Variants in ANXA10 observed in about 807,000 individuals in gnomAD.
ANXA10 encodes the protein annexin A10, also known as annexin 14.
In ANXA10, 49 loss-of-function variants were observed where a neutral mutation model predicts 53.5. That is an observed-to-expected ratio of 0.92 (90% CI 0.73 to 1.16). ANXA10 has a LOEUF of 1.16. Ranked by LOEUF, ANXA10 falls within the 50% of genes most tolerant of loss-of-function variation. The pLI is 0.00. For synonymous variants in ANXA10, 131 were observed against 128.9 expected, an observed-to-expected ratio of 1.02 and a Z score of -0.11; for missense variants, 393 against 394.4, an observed-to-expected ratio of 1.00 and a Z score of 0.03.
chr4:168,107,559 A>T (rs1346130752), intron 1 of ANXA10, among the ~76,000 whole-genome samples: 1 of 152,206 alleles, frequency 6.6e-6, no homozygotes, highest in Non-Finnish European at 1.5e-5. Flanking sequence ...CATAGGTCCT[A>T]TATTAGTAAG....
intron 3 of ANXA10, among the ~76,000 whole-genome samples, chr4:168,159,836 C>T (rs908959410): frequency 6.6e-6 from 1 of 151,862 alleles, no homozygotes; most frequent in Non-Finnish European, 1.5e-5. Context: ...TTGGATTATG[C>T]CAAATAATAA....
intron 3 of ANXA10, among the ~76,000 whole-genome samples, chr4:168,151,506 G>C (rs75806130): frequency 1.1e-4 from 17 of 152,336 alleles, no homozygotes; most frequent in African/African-American, 3.8e-4. Context: ...GTACTCATTA[G>C]CTTAATGTAA....
chr4:168,105,392 T>G (rs529302419), intron 1 of ANXA10, among the ~76,000 whole-genome samples: 1 of 152,228 alleles, frequency 6.6e-6, no homozygotes, highest in South Asian at 2.1e-4. Flanking sequence ...CCTGTGGTAG[T>G]TTGCTAAGCA....
intron 1 of ANXA10, among the ~76,000 whole-genome samples, chr4:168,093,165 C>G (rs1460308493): frequency 6.6e-6 from 1 of 152,168 alleles, no homozygotes; most frequent in East Asian, 1.9e-4. Context: ...AGAATTCTAA[C>G]TGAAGTTATC....
At chr4:168,130,407 T>C (rs1731139065) in intron 2 of ANXA10, among the ~76,000 whole-genome samples, 1 of 152,146 alleles carries the variant, frequency 6.6e-6, no homozygotes, top group Non-Finnish European at 1.5e-5. Context: ...TCTATGCTCA[T>C]GAGAAATGTT....
intron 3 of ANXA10, among the ~76,000 whole-genome samples, chr4:168,140,276 A>G (rs4692861): frequency 0.52 from 78,676 of 152,070 alleles, 20,857 homozygotes; most frequent in Non-Finnish European, 0.58. Flanking sequence ...GAGCTTTATC[A>G]ATGAAACATT....
chr4:168,175,276 C>T (rs1383137504), intron 6 of ANXA10, among the ~76,000 whole-genome samples: 1 of 152,134 alleles, frequency 6.6e-6, no homozygotes, highest in Non-Finnish European at 1.5e-5. Flanking sequence ...AGAATTACCA[C>T]AAATGTATGT....
intron 1 of ANXA10, among the ~76,000 whole-genome samples, chr4:168,094,155 T>A (rs1303288742): frequency 6.6e-6 from 1 of 152,160 alleles, no homozygotes; most frequent in African/African-American, 2.4e-5. Flanking sequence ...GAAACATATT[T>A]TATAGAATAT....
At chr4:168,104,143 T>G (rs1002697245) in intron 1 of ANXA10, among the ~76,000 whole-genome samples, 1 of 151,970 alleles carries the variant, frequency 6.6e-6, no homozygotes, top group African/African-American at 2.4e-5. Flanking sequence ...TTCTGCATCA[T>G]GTTTTGATGG....
chr4:168,160,432 G>A (rs545340438), intron 3 of ANXA10, among the ~76,000 whole-genome samples: 9 of 152,172 alleles, frequency 5.9e-5, no homozygotes, highest in Admixed American at 1.3e-4. Flanking sequence ...TGGCATATAT[G>A]TACCACATTT....
chr4:168,102,013 A>T (rs1730647559), intron 1 of ANXA10, among the ~76,000 whole-genome samples: 1 of 152,104 alleles, frequency 6.6e-6, no homozygotes, highest in Admixed American at 6.5e-5. Flanking sequence ...TAACCCTACC[A>T]TACATGTAGT....
chr4:168,147,679 T>C (rs1731427459), intron 3 of ANXA10, among the ~76,000 whole-genome samples: 1 of 152,218 alleles, frequency 6.6e-6, no homozygotes, highest in South Asian at 2.1e-4. Context: ...TTTCAAACCT[T>C]GTTCAAACCC....
chr4:168,092,677 C>G lies in ANXA10; in HGVS notation c.-24C>G, dbSNP rs1730478317. 1 of 1,586,948 alleles carries G rather than the reference C, an allele frequency of 6.3e-7. No homozygotes were observed. The highest frequency in any genetic ancestry group is 8.6e-7 in the Non-Finnish European group (1 of 1,166,988). ...TGCAATCGATCAAATATTTTCATCC[C>G]TGAGGTTAACAATTACCATCAAAAT... On this transcript the variant is annotated 5_prime_UTR_variant, in exon 1 of 12. Transcript: ENST00000359299.
intron 1 of ANXA10, among the ~76,000 whole-genome samples, chr4:168,120,767 C>T (rs1242834960): frequency 6.6e-6 from 1 of 152,024 alleles, no homozygotes; most frequent in African/African-American, 2.4e-5. Context: ...TATTTCTTCT[C>T]TTAACCTGAA....
At chr4:168,160,523 A>C (rs1036724951) in intron 3 of ANXA10, among the ~76,000 whole-genome samples, 18 of 152,118 alleles carry the variant, frequency 1.2e-4, no homozygotes, top group Non-Finnish European at 7.3e-5. Flanking sequence ...GAACATACAC[A>C]TGCATGTATC....
At chr4:168,142,477 C>T (rs1440459553) in intron 3 of ANXA10, among the ~76,000 whole-genome samples, 1 of 152,144 alleles carries the variant, frequency 6.6e-6, no homozygotes, top group African/African-American at 2.4e-5. Flanking sequence ...ATCATCCTTC[C>T]AGGTACTAGA....
chr4:168,162,699 G>A (rs1418477857), intron 4 of ANXA10, 58 bp downstream of exon 4: 22 of 1,346,206 alleles, frequency 1.6e-5, no homozygotes, highest in Non-Finnish European at 2.3e-5. Flanking sequence ...TTTCAGTAGA[G>A]GGGAAACTGC....
At chr4:168,112,128 TACTAAAA>T (rs1276927272) in intron 1 of ANXA10, among the ~76,000 whole-genome samples, 1 of 152,102 alleles carries the variant, frequency 6.6e-6, no homozygotes, top group Non-Finnish European at 1.5e-5. Flanking sequence ...ACCCCATCTC[TACTAAAA>T]ACACACAAAA....
intron 4 of ANXA10, 77 bp downstream of exon 4, chr4:168,162,718 G>A: frequency 5.9e-6 from 6 of 1,025,270 alleles, no homozygotes; most frequent in Non-Finnish European, 9.2e-6. Context: ...GCCCTGTGAT[G>A]CTCCTACATA....
Sources: gnomAD v4.1 joint callset for allele counts (sites outside exome capture counted in the v4.1 genomes callset) on GRCh38, gnomAD v4.1.1 for gene constraint, MANE v1.5 for transcripts, NCBI Gene and HGNC (gene_info 2026-07-23, HGNC 2026-07-21) for gene names.